The following SHROOM3 variants were observed in gnomAD, a reference collection of about 807,000 sequenced individuals.
SHROOM3 encodes shroom family member 3, also known as protein Shroom3.
Under a neutral mutation model 138.6 loss-of-function variants are expected in SHROOM3, and 47 were observed. That is an observed-to-expected ratio of 0.34 (90% CI 0.27 to 0.43). The LOEUF is 0.43. SHROOM3 is among the 20% of genes least tolerant of loss of function. SHROOM3 has a pLI of 1.00. For missense variants in SHROOM3, 2,491 were observed against 2,596.5 expected (o/e 0.96, Z 0.88); for synonymous variants, 1,062 against 1,063.3 (o/e 1.00, Z 0.02).
Position 76,779,301 on chromosome 4 carries a change from G to GA in SHROOM3, c.*131dup, listed in dbSNP as rs1722674326. Reference sequence around the variant, plus strand: ...TATTGGTGTTTGTTCCTGATGAAAGGAAAAAAATTCTCTCCAGGAGGAAGC... The same window carrying GA: ...TATTGGTGTTTGTTCCTGATGAAAGGAAAAAAAATTCTCTCCAGGAGGAAGC... On this transcript the variant is annotated 3_prime_UTR_variant, in exon 11 of 11. Transcript: ENST00000296043. 7.4e-7 allele frequency: 1 copy of GA among 1,357,428 alleles called. No homozygotes were observed. The highest frequency in any genetic ancestry group is 9.9e-7 in the Non-Finnish European group (1 of 1,014,404). The allele number at this position is 1,357,428 out of a possible 1,614,324, so 84.1% of individuals were successfully genotyped here. A position where few individuals can be genotyped will look rare whatever the true frequency, so the allele number is the denominator to read the frequency against.
chr4:76,708,762 T>C (rs1720140072), intron 2 of SHROOM3, among the ~76,000 whole-genome samples: 1 of 152,230 alleles, frequency 6.6e-6, no homozygotes, highest in African/African-American at 2.4e-5. Flanking sequence ...TCCAGAGTCA[T>C]GCTCCTAAAA....
chr4:76,729,220 G>A (rs1056184727), intron 3 of SHROOM3, among the ~76,000 whole-genome samples: 1 of 152,102 alleles, frequency 6.6e-6, no homozygotes, highest in Non-Finnish European at 1.5e-5. Flanking sequence ...AAAACCAGTG[G>A]TATTCAGTTT....
intron 2 of SHROOM3, among the ~76,000 whole-genome samples, chr4:76,666,253 C>T (rs915951295): frequency 1.3e-4 from 20 of 152,176 alleles, no homozygotes; most frequent in African/African-American, 4.8e-4. Context: ...GCAGCTGGAG[C>T]TTTGCAGTTT....
chr4:76,650,574 T>C (rs1735934314), intron 2 of SHROOM3, among the ~76,000 whole-genome samples: 2 of 151,570 alleles, frequency 1.3e-5, no homozygotes, highest in Non-Finnish European at 1.5e-5. Context: ...TGATGGAGTC[T>C]TGCTCTGTCA....
chr4:76,491,658 G>A (rs1025104759), intron 1 of SHROOM3, among the ~76,000 whole-genome samples: 1 of 152,152 alleles, frequency 6.6e-6, no homozygotes, highest in Non-Finnish European at 1.5e-5. Context: ...AAAATTAGGG[G>A]AAGCTGACTC....
intron 3 of SHROOM3, among the ~76,000 whole-genome samples, chr4:76,713,633 A>G (rs776329580): frequency 7.2e-5 from 11 of 152,264 alleles, no homozygotes; most frequent in Non-Finnish European, 1.5e-4. Context: ...ATAAGCCAGT[A>G]ACACACATTT....
intron 4 of SHROOM3, among the ~76,000 whole-genome samples, chr4:76,736,297 C>G (rs1172180433): frequency 6.6e-6 from 1 of 152,120 alleles, no homozygotes; most frequent in Non-Finnish European, 1.5e-5. Flanking sequence ...CCTGATCTGG[C>G]TGGCTTGGGA....
At chr4:76,462,275 G>A (rs1731155967) in intron 1 of SHROOM3, among the ~76,000 whole-genome samples, 1 of 152,090 alleles carries the variant, frequency 6.6e-6, no homozygotes, top group Non-Finnish European at 1.5e-5. Context: ...GGGAGGCTGA[G>A]GTAGGAGAAT....
In SHROOM3 at chr4:76,741,140, C is replaced by T. The variant is rs368025910; in HGVS notation, c.2967C>T (p.Thr989=). Residue 989 remains threonine (T), a synonymous_variant, in exon 5 of 11, where the codon ACC becomes ACT. Transcript: ENST00000296043. The surrounding 1 kb of genome is among the most constrained non-coding windows in gnomAD (Gnocchi z 6.2). ...CGCCCCGGGAGCGGCACAGCGTGAC[C>T]CCTGCTGAGGGCGACCTGGCCAGGC... ...PHTPRERHSV[T]PAEGDLARPV... 15 of 1,561,892 alleles carry T rather than the reference C, an allele frequency of 9.6e-6. No individual in the cohort carries two copies. Among genetic ancestry groups the T allele is most frequent in the Non-Finnish European group, 3.5e-6 (4 of 1,154,348 alleles).
At chr4:76,482,072 G>A (rs1357142522) in intron 1 of SHROOM3, among the ~76,000 whole-genome samples, 1 of 152,180 alleles carries the variant, frequency 6.6e-6, no homozygotes, top group Non-Finnish European at 1.5e-5. Flanking sequence ...AAAGCTGGAA[G>A]CATTCCCTTT....
chr4:76,776,236 C>T (rs960085205), intron 10 of SHROOM3, among the ~76,000 whole-genome samples: 1 of 152,070 alleles, frequency 6.6e-6, no homozygotes, highest in Non-Finnish European at 1.5e-5. Context: ...CAGTTTTTCA[C>T]GTTTGTTGAC....
intron 1 of SHROOM3, among the ~76,000 whole-genome samples, chr4:76,499,076 G>A (rs996925012): frequency 6.6e-6 from 1 of 152,200 alleles, no homozygotes; most frequent in Admixed American, 6.5e-5. Flanking sequence ...ATCTAAGAGA[G>A]CATCCAATTC....
At position 76,671,234 on chromosome 4, in the gene SHROOM3, C is replaced by T. The variant is rs1325243264; in HGVS notation, c.324-38922C>T. On this transcript the variant is annotated intron_variant, in intron 2 of 10. Coordinates refer to ENST00000296043, the MANE Select transcript of SHROOM3 (RefSeq NM_020859.4). Reference sequence around the variant, plus strand: ...AGCATCACCTCCAGGTGTACTCCCACGACTGTGCCCTAACTGTTCTCCCTA... The same window carrying T: ...AGCATCACCTCCAGGTGTACTCCCATGACTGTGCCCTAACTGTTCTCCCTA... Among the ~76,000 whole-genome samples, 8 of 152,348 alleles carry T rather than the reference C, an allele frequency of 5.3e-5. No individual in the cohort carries two copies. In the South Asian group the frequency reaches 1.2e-3, roughly 24 times the overall value.
intron 2 of SHROOM3, among the ~76,000 whole-genome samples, chr4:76,676,401 T>C (rs1719027167): frequency 6.6e-6 from 1 of 152,230 alleles, no homozygotes; most frequent in Non-Finnish European, 1.5e-5. Flanking sequence ...TAAAACACTT[T>C]TCATCTAGGA....
chr4:76,505,921 G>A (rs935552455), intron 1 of SHROOM3, among the ~76,000 whole-genome samples: 1 of 151,806 alleles, frequency 6.6e-6, no homozygotes, highest in African/African-American at 2.4e-5. Context: ...AAAGTGCTTG[G>A]GATTACAGGT....
At chr4:76,674,641 C>T (rs979332519) in intron 2 of SHROOM3, among the ~76,000 whole-genome samples, 10 of 144,130 alleles carry the variant, frequency 6.9e-5, no homozygotes, top group African/African-American at 1.5e-4. Flanking sequence ...GCAAACGCTG[C>T]GTCCCCAGGC....
chr4:76,518,731 T>C (rs1732500780), intron 1 of SHROOM3, among the ~76,000 whole-genome samples: 1 of 152,202 alleles, frequency 6.6e-6, no homozygotes, highest in African/African-American at 2.4e-5. Context: ...AGCCTGTTCC[T>C]GTGTACTCTC....
chr4:76,690,077 G>T (rs191468725), intron 2 of SHROOM3, among the ~76,000 whole-genome samples: 215 of 152,270 alleles, frequency 1.4e-3, no homozygotes, highest in Admixed American at 3.0e-3. Flanking sequence ...AATTTTACTG[G>T]ATTTGTTTCT....
chr4:76,770,964 A>G (rs1578035492), intron 10 of SHROOM3, 66 bp downstream of exon 10: 1 of 1,577,140 alleles, frequency 6.3e-7, no homozygotes, highest in East Asian at 2.2e-5. Flanking sequence ...GAGAGGCGCC[A>G]TTAGACGCCA....
Sources: allele counts gnomAD v4.1 joint callset (sites outside exome capture counted in the v4.1 genomes callset), GRCh38; gene constraint gnomAD v4.1.1; non-coding constraint Gnocchi (gnomAD v3.1); transcripts MANE v1.5; gene names NCBI Gene and HGNC (gene_info 2026-07-23, HGNC 2026-07-21).